EIF4E: variants seen among roughly 807,000 people sequenced by gnomAD.
The protein encoded by EIF4E is eIF-4F 25 kDa subunit.
For synonymous variants in EIF4E, 71 were observed against 88.5 expected, an observed-to-expected ratio of 0.80 and a Z score of 1.11; for missense variants, 113 against 265.6, an observed-to-expected ratio of 0.43 and a Z score of 3.99.
intron 1 of EIF4E, among the ~76,000 whole-genome samples, chr4:98,925,196 T>C (rs1213083680): frequency 1.3e-5 from 2 of 152,218 alleles, no homozygotes; most frequent in African/African-American, 2.4e-5. Context: ...GATTCACTTA[T>C]GAAATTAGCG....
intron 2 of EIF4E, among the ~76,000 whole-genome samples, chr4:98,896,215 A>AAATAC (rs1724379410): frequency 6.6e-6 from 1 of 151,608 alleles, no homozygotes; most frequent in African/African-American, 2.4e-5. Context: ...AAATAAAATA[A>AAATAC]AATAAAATAA....
intron 1 of EIF4E, chr4:98,903,376 T>A: frequency 2.4e-6 from 1 of 418,430 alleles, no homozygotes; most frequent in Non-Finnish European, 4.6e-6. Context: ...TTTTTTTTTG[T>A]ATTTTATTTT....
intron 1 of EIF4E, among the ~76,000 whole-genome samples, chr4:98,915,777 G>A (rs577315012): frequency 1.3e-5 from 2 of 150,480 alleles, no homozygotes; most frequent in East Asian, 2.0e-4. Flanking sequence ...CCTGAACTCA[G>A]GTGATCCACC....
chr4:98,918,018 G>C (rs1318156241), intron 1 of EIF4E, among the ~76,000 whole-genome samples: 1 of 152,102 alleles, frequency 6.6e-6, no homozygotes, highest in Non-Finnish European at 1.5e-5. Context: ...GGAGGTTGCA[G>C]TGAGCAGAGA....
At chr4:98,891,858 T>A (rs1156713483) in intron 2 of EIF4E, among the ~76,000 whole-genome samples, 1 of 152,178 alleles carries the variant, frequency 6.6e-6, no homozygotes, top group Non-Finnish European at 1.5e-5. Context: ...CAGTGGCAAA[T>A]AATGAGAGTT....
At chr4:98,890,159 T>C (rs1228577056) in intron 3 of EIF4E, among the ~76,000 whole-genome samples, 2 of 152,182 alleles carry the variant, frequency 1.3e-5, no homozygotes, top group Non-Finnish European at 2.9e-5. Flanking sequence ...ACTGGAAATA[T>C]ACAGAAAAAT....
At chr4:98,917,450 T>C (rs528011200) in intron 1 of EIF4E, among the ~76,000 whole-genome samples, 3 of 152,190 alleles carry the variant, frequency 2.0e-5, no homozygotes, top group African/African-American at 7.2e-5. Context: ...AGGGCTCTAG[T>C]AGAAATTCTA....
chr4:98,882,986 T>A (rs957955516), intron 6 of EIF4E, among the ~76,000 whole-genome samples: 1 of 152,186 alleles, frequency 6.6e-6, no homozygotes, highest in African/African-American at 2.4e-5. Context: ...TAAATTATGT[T>A]CACATAAAAA....
intron 1 of EIF4E, among the ~76,000 whole-genome samples, chr4:98,915,538 T>A (rs1246368933): frequency 6.6e-6 from 1 of 151,622 alleles, no homozygotes; most frequent in African/African-American, 2.4e-5. Context: ...CATATTTTTG[T>A]AAATTACTTT....
chr4:98,901,383 G>C (rs12510532), intron 2 of EIF4E, among the ~76,000 whole-genome samples: 1 of 152,074 alleles, frequency 6.6e-6, no homozygotes. Context: ...TTTTTTAGTA[G>C]AGACGGGGTT....
At chr4:98,910,862 T>TG (rs960121446) in intron 1 of EIF4E, among the ~76,000 whole-genome samples, 14 of 150,694 alleles carry the variant, frequency 9.3e-5, no homozygotes, top group African/African-American at 3.2e-4. Context: ...CACGAGTAGC[T>TG]GGGACTACAG....
chr4:98,909,388 T>C, intron 1 of EIF4E: 1 of 381,142 alleles, frequency 2.6e-6, no homozygotes, highest in Non-Finnish European at 4.7e-6. Context: ...TTGTCATTCA[T>C]TTGACAAATT....
chr4:98,885,008 G>A lies in EIF4E; in HGVS notation c.453C>T (p.Gly151=), dbSNP rs185066219. 15 of 1,613,234 alleles carry A rather than the reference G, an allele frequency of 9.3e-6. No homozygotes were observed. Among genetic ancestry groups the A allele is most frequent in the Admixed American group, 6.7e-5 (4 of 59,956 alleles). ...SFDDYSDDVC[G]AVVNVRAKGD... ...CTTTAGCTCTAACATTAACAACAGC[G>A]CCACATACATCATCACTGTAGTCAT... Residue 151 remains glycine, a synonymous_variant, in exon 6 of 7, where the codon GGC becomes GGT. Coordinates refer to ENST00000450253, the MANE Select transcript of EIF4E (RefSeq NM_001968.5).
chr4:98,922,505 G>A lies in EIF4E; in HGVS notation c.18+6590C>T, dbSNP rs561686862. Among the ~76,000 whole-genome samples the A allele has an allele frequency of 1.3e-3, 191 of 150,740 alleles. 1 individual carries two copies. Among genetic ancestry groups the A allele is most frequent in the Middle Eastern group, 0.01 (3 of 294 alleles). On this transcript the variant is annotated intron_variant, in intron 1 of 6. Transcript: ENST00000450253. ...CAGGAGGCGGAGGTTGCAGTGAGCC[G>A]AGATCGCGCCACTGTACTCTAGCTG...
chr4:98,897,588 CTT>C (rs1193132930), intron 2 of EIF4E, among the ~76,000 whole-genome samples: 1 of 152,042 alleles, frequency 6.6e-6, no homozygotes, highest in African/African-American at 2.4e-5. Flanking sequence ...AAAGGAATGA[CTT>C]TGATGAGGCA....
intron 1 of EIF4E, among the ~76,000 whole-genome samples, chr4:98,928,636 C>G (rs1426505426): frequency 6.6e-6 from 1 of 152,124 alleles, no homozygotes; most frequent in Non-Finnish European, 1.5e-5. Context: ...AGCCCCGGAG[C>G]TGGGGTTCTG....
At chr4:98,898,498 C>G (rs551532869) in intron 2 of EIF4E, among the ~76,000 whole-genome samples, 1 of 151,628 alleles carries the variant, frequency 6.6e-6, no homozygotes, top group South Asian at 2.1e-4. Flanking sequence ...GTTCCGGCTA[C>G]TAGGGAGGCT....
At chr4:98,914,508 G>A (rs190955962) in intron 1 of EIF4E, among the ~76,000 whole-genome samples, 6 of 150,784 alleles carry the variant, frequency 4.0e-5, no homozygotes, top group Middle Eastern at 6.9e-3. Context: ...ATAAAAAGAC[G>A]TAGAAGGAAC....
chr4:98,883,152 GT>G (rs1339556642), intron 6 of EIF4E, among the ~76,000 whole-genome samples: 2 of 151,802 alleles, frequency 1.3e-5, no homozygotes, highest in African/African-American at 4.9e-5. Flanking sequence ...CAGGCCTGTG[GT>G]CCCAGCTATT....
Sources: allele counts gnomAD v4.1 joint callset (sites outside exome capture counted in the v4.1 genomes callset), GRCh38; gene constraint gnomAD v4.1.1; transcripts MANE v1.5; gene names NCBI Gene and HGNC (gene_info 2026-07-23, HGNC 2026-07-21).